Variants in ITPR2 observed in about 807,000 individuals in gnomAD.
The protein encoded by ITPR2 is inositol 1,4,5-trisphosphate-gated calcium channel ITPR2.
Under a neutral mutation model 317.1 loss-of-function variants are expected in ITPR2, and 207 were observed. That is an observed-to-expected ratio of 0.65 (90% CI 0.58 to 0.73). The LOEUF is 0.73. Ranked by LOEUF, ITPR2 falls within the 30% of genes least tolerant of loss-of-function variation. The pLI, the probability that ITPR2 is intolerant of heterozygous loss-of-function variation, is 0.00. For missense variants in ITPR2, 2,613 were observed against 3,284.0 expected, an observed-to-expected ratio of 0.80 and a Z score of 4.99; for synonymous variants, 1,156 against 1,149.1, an observed-to-expected ratio of 1.01 and a Z score of -0.12.
At chr12:26,534,894 T>G (rs1190277771) in intron 37 of ITPR2, among the ~76,000 whole-genome samples, 2 of 152,228 alleles carry the variant, frequency 1.3e-5, no homozygotes, top group African/African-American at 2.4e-5. Flanking sequence ...TTAGGATCAA[T>G]ATCTGTGTGA....
chr12:26,535,068 A>G (rs1277076539), intron 37 of ITPR2, among the ~76,000 whole-genome samples: 2 of 152,196 alleles, frequency 1.3e-5, no homozygotes, highest in Non-Finnish European at 1.5e-5. Context: ...TATGTGTATG[A>G]GGTGGTGGAT....
chr12:26,668,408 T>C (rs1947674946), intron 13 of ITPR2, among the ~76,000 whole-genome samples: 1 of 152,144 alleles, frequency 6.6e-6, no homozygotes, highest in Non-Finnish European at 1.5e-5. Flanking sequence ...ACCAGCAATC[T>C]CCATGATTAA....
intron 34 of ITPR2, 48 bp downstream of exon 34, chr12:26,578,665 A>C (rs1945328468): frequency 1.3e-6 from 2 of 1,543,256 alleles, no homozygotes; most frequent in Non-Finnish European, 1.8e-6. Flanking sequence ...CAAAAACCTA[A>C]TTTCTTCAAG....
intron 2 of ITPR2, among the ~76,000 whole-genome samples, chr12:26,728,269 G>A (rs1047355142): frequency 6.6e-6 from 1 of 152,102 alleles, no homozygotes; most frequent in Non-Finnish European, 1.5e-5. Context: ...AAATAAAGCA[G>A]CCAAACCAGA....
intron 52 of ITPR2, among the ~76,000 whole-genome samples, chr12:26,404,061 T>C (rs757120719): frequency 1.3e-4 from 20 of 151,934 alleles, no homozygotes; most frequent in Non-Finnish European, 2.1e-4. Flanking sequence ...ACTGGGTGAA[T>C]TGAAGAGGAA....
chr12:26,821,368 G>A (rs967381912), intron 1 of ITPR2, among the ~76,000 whole-genome samples: 1 of 152,170 alleles, frequency 6.6e-6, no homozygotes, highest in Non-Finnish European at 1.5e-5. Flanking sequence ...CTGATCCAAG[G>A]GGGCCAAATT....
chr12:26,419,492 G>T, intron 49 of ITPR2: 1 of 265,082 alleles, frequency 3.8e-6, no homozygotes, highest in Non-Finnish European at 7.2e-6. Context: ...GAGAGAGAAT[G>T]GTAAGAGACT....
At chr12:26,799,972 A>C (rs1226689482) in intron 1 of ITPR2, among the ~76,000 whole-genome samples, 2 of 152,194 alleles carry the variant, frequency 1.3e-5, no homozygotes, top group Non-Finnish European at 2.9e-5. Flanking sequence ...TCAGGTCCAG[A>C]TCTTTACCAC....
intron 1 of ITPR2, among the ~76,000 whole-genome samples, chr12:26,802,318 A>T (rs1950568871): frequency 6.6e-6 from 1 of 152,018 alleles, no homozygotes; most frequent in African/African-American, 2.4e-5. Context: ...AATAAAAATA[A>T]TTTTTAAAAA....
chr12:26,582,703 G>T (rs1012547900), intron 32 of ITPR2, among the ~76,000 whole-genome samples: 1 of 152,104 alleles, frequency 6.6e-6, no homozygotes, highest in African/African-American at 2.4e-5. Context: ...ACCAAAAGAG[G>T]AATCACCAGA....
intron 9 of ITPR2, among the ~76,000 whole-genome samples, chr12:26,700,494 T>A (rs1216191255): frequency 1.3e-5 from 2 of 152,246 alleles, no homozygotes; most frequent in Admixed American, 1.3e-4. Context: ...TTGGAGTACA[T>A]CAACTGAAGT....
At chr12:26,581,600 G>C (rs565022433) in intron 32 of ITPR2, among the ~76,000 whole-genome samples, 1 of 152,060 alleles carries the variant, frequency 6.6e-6, no homozygotes, top group Non-Finnish European at 1.5e-5. Context: ...AAATGAAAGA[G>C]GGATTAAGGA....
chr12:26,423,605 T>C (rs1940959408), intron 49 of ITPR2, among the ~76,000 whole-genome samples: 1 of 152,186 alleles, frequency 6.6e-6, no homozygotes, highest in African/African-American at 2.4e-5. Context: ...ATAACGCCCA[T>C]ATGACTGGAA....
intron 55 of ITPR2, among the ~76,000 whole-genome samples, chr12:26,343,418 G>A (rs1490297037): frequency 1.3e-5 from 2 of 152,200 alleles, no homozygotes; most frequent in Admixed American, 6.5e-5. Context: ...GTGTTTAATG[G>A]ATGCAGACTA....
intron 1 of ITPR2, among the ~76,000 whole-genome samples, chr12:26,812,387 G>A (rs1592153330): frequency 6.6e-6 from 1 of 152,054 alleles, no homozygotes; most frequent in South Asian, 2.1e-4. Flanking sequence ...GACCATCCTG[G>A]CTAACACAGT....
chr12:26,416,386 AAATATCTGTTTG>A (rs1221348315), intron 50 of ITPR2, among the ~76,000 whole-genome samples: 6 of 152,214 alleles, frequency 3.9e-5, no homozygotes, highest in African/African-American at 1.4e-4. Flanking sequence ...AGAAAGGTAT[AAATATCTGTTTG>A]GAAATGAATA....
intron 45 of ITPR2, among the ~76,000 whole-genome samples, chr12:26,474,304 CT>C (rs1245235672): frequency 1.3e-5 from 2 of 152,170 alleles, no homozygotes; most frequent in Non-Finnish European, 2.9e-5. Flanking sequence ...AAAGTTTGAA[CT>C]TCATTTTGTA....
At chr12:26,538,568 T>C (rs1944166547) in intron 37 of ITPR2, among the ~76,000 whole-genome samples, 1 of 135,394 alleles carries the variant, frequency 7.4e-6, no homozygotes, top group African/African-American at 3.0e-5. Flanking sequence ...GATTTTTTTT[T>C]CTTTTTTTCT....
chr12:26,386,517 C>T (rs1370535696), intron 55 of ITPR2, among the ~76,000 whole-genome samples: 2 of 152,144 alleles, frequency 1.3e-5, no homozygotes, highest in Non-Finnish European at 2.9e-5. Flanking sequence ...CAGTCTCTTC[C>T]TAAGCAGATG....
Sources: allele counts gnomAD v4.1 joint callset (sites outside exome capture counted in the v4.1 genomes callset), GRCh38; gene constraint gnomAD v4.1.1; transcripts MANE v1.5; gene names NCBI Gene and HGNC (gene_info 2026-07-23, HGNC 2026-07-21).